Variants in CHST9 observed in about 807,000 individuals in gnomAD.
CHST9 encodes the protein carbohydrate sulfotransferase 9.
A neutral mutation model predicts 44.4 loss-of-function variants in CHST9; 41 were observed. That is an observed-to-expected ratio of 0.92 (90% confidence interval 0.72 to 1.20). The LOEUF is 1.20. CHST9 is among the 50% of genes most tolerant of loss of function. The probability of loss-of-function intolerance (pLI) is 0.00; values close to 1 mark genes in which losing one functional copy is unlikely to be tolerated. For missense variants in CHST9, 504 were observed against 516.5 expected (o/e 0.98, Z 0.23); for synonymous variants, 171 against 178.4 (o/e 0.96, Z 0.33).
chr18:27,167,597 T>C (rs1260681599), intron 1 of CHST9, among the ~76,000 whole-genome samples: 1 of 152,204 alleles, frequency 6.6e-6, no homozygotes, highest in East Asian at 1.9e-4. Context: ...ACACAGGCAG[T>C]GTTTAGGTAT....
intron 2 of CHST9, among the ~76,000 whole-genome samples, chr18:27,081,067 C>G (rs1004358737): frequency 6.6e-6 from 1 of 152,130 alleles, no homozygotes; most frequent in African/African-American, 2.4e-5. Context: ...ATAAAAACAT[C>G]TGGGGCAGAA....
intron 2 of CHST9, among the ~76,000 whole-genome samples, chr18:27,067,338 G>T (rs928675485): frequency 6.6e-6 from 1 of 151,972 alleles, no homozygotes; most frequent in Admixed American, 6.6e-5. Flanking sequence ...TTTACAGGGC[G>T]ATGCTTTCTG....
intron 3 of CHST9, among the ~76,000 whole-genome samples, chr18:27,038,872 T>A (rs1313096119): frequency 6.6e-6 from 1 of 152,172 alleles, no homozygotes; most frequent in Non-Finnish European, 1.5e-5. Context: ...GCTGCAATAA[T>A]ACTTTCAATA....
rs1448847250 is a variant in CHST9, at chr18:26,911,387, C to A, written c.*4872G>T. 1.3e-5 allele frequency: 2 copies of A among 152,046 alleles called. No individual in the cohort carries two copies. Among genetic ancestry groups the A allele is most frequent in the East Asian group, 1.9e-4 (1 of 5,190 alleles). The allele number at this position is 152,046 out of a possible 1,614,324, so 9.4% of individuals were successfully genotyped here. On this transcript the variant is annotated 3_prime_UTR_variant, in exon 6 of 6. Coordinates refer to ENST00000618847, the MANE Select transcript of CHST9 (RefSeq NM_031422.6). ...GCACATGAACAAATAAATTAACGAA[C>A]CTCCCTGACAAAAAAAATCGAGGAA... is the stretch of plus-strand genomic sequence containing the variant.
chr18:26,997,747 A>G (rs1294540112), intron 4 of CHST9, among the ~76,000 whole-genome samples: 1 of 152,194 alleles, frequency 6.6e-6, no homozygotes, highest in Non-Finnish European at 1.5e-5. Context: ...CCACTTTACT[A>G]TACTACCTAA....
intron 1 of CHST9, among the ~76,000 whole-genome samples, chr18:27,180,295 A>G (rs1207869053): frequency 6.6e-6 from 1 of 152,172 alleles, no homozygotes; most frequent in African/African-American, 2.4e-5. Context: ...GTTATCCCTG[A>G]GCGTTAGTAG....
At chr18:27,120,267 C>T (rs538964516) in intron 2 of CHST9, among the ~76,000 whole-genome samples, 3 of 152,144 alleles carry the variant, frequency 2.0e-5, no homozygotes, top group African/African-American at 7.2e-5. Context: ...AGGAGAGATC[C>T]AAGTACGTTA....
chr18:26,991,281 G>A (rs2056813082), intron 4 of CHST9, among the ~76,000 whole-genome samples: 1 of 151,868 alleles, frequency 6.6e-6, no homozygotes, highest in Non-Finnish European at 1.5e-5. Context: ...ATTCTCTAAC[G>A]GATTAGATAT....
At chr18:26,949,615 C>A (rs1355847785) in intron 4 of CHST9, among the ~76,000 whole-genome samples, 2 of 152,076 alleles carry the variant, frequency 1.3e-5, no homozygotes, top group Non-Finnish European at 2.9e-5. Context: ...GAGGAAGATA[C>A]CTGTAGGTTA....
At chr18:27,179,052 G>A (rs1474875223) in intron 1 of CHST9, among the ~76,000 whole-genome samples, 2 of 145,010 alleles carry the variant, frequency 1.4e-5, no homozygotes, top group Non-Finnish European at 3.0e-5. Context: ...ATACATATAC[G>A]TACATGCATA....
chr18:26,954,912 C>T (rs1367574014), intron 4 of CHST9, among the ~76,000 whole-genome samples: 2 of 151,992 alleles, frequency 1.3e-5, no homozygotes, highest in East Asian at 3.9e-4. Flanking sequence ...AGACCACTAT[C>T]AATTATTCCA....
intron 3 of CHST9, among the ~76,000 whole-genome samples, chr18:27,029,773 GT>G (rs1396237200): frequency 1.3e-5 from 2 of 152,100 alleles, no homozygotes; most frequent in African/African-American, 2.4e-5. Flanking sequence ...ACGCAACCAT[GT>G]TTTTTCCCCC....
At chr18:27,052,114 T>A (rs2057573725) in intron 2 of CHST9, among the ~76,000 whole-genome samples, 1 of 152,086 alleles carries the variant, frequency 6.6e-6, no homozygotes. Context: ...TCAGCCCCTA[T>A]GTTATATGAA....
intron 5 of CHST9, among the ~76,000 whole-genome samples, chr18:26,937,884 T>C (rs1162644258): frequency 6.6e-6 from 1 of 152,170 alleles, no homozygotes; most frequent in Non-Finnish European, 1.5e-5. Flanking sequence ...TAAATCTGAT[T>C]TCAAGCCTGA....
At chr18:27,000,649 T>TATCTATCTATCTATCTATC (rs1555675568) in intron 4 of CHST9, among the ~76,000 whole-genome samples, 3 of 151,476 alleles carry the variant, frequency 2.0e-5, no homozygotes, top group African/African-American at 7.3e-5. Flanking sequence ...TCTATCTATC[T>TATCTATCTATCTATCTATC]ATCTATCTCT....
chr18:27,165,252 G>C (rs996948278), intron 1 of CHST9, among the ~76,000 whole-genome samples: 7 of 152,148 alleles, frequency 4.6e-5, no homozygotes, highest in Non-Finnish European at 7.4e-5. Context: ...TTAGAACTTT[G>C]AGCAAATGAA....
At chr18:26,997,782 G>C (rs944435087) in intron 4 of CHST9, among the ~76,000 whole-genome samples, 1 of 152,084 alleles carries the variant, frequency 6.6e-6, no homozygotes, top group African/African-American at 2.4e-5. Context: ...TAATATCACT[G>C]TCTTCAAGGC....
chr18:27,166,013 C>T (rs181656041), intron 1 of CHST9, among the ~76,000 whole-genome samples: 3 of 152,312 alleles, frequency 2.0e-5, no homozygotes, highest in Admixed American at 2.0e-4. Flanking sequence ...TGAAAGGCTT[C>T]ACAATCCTGG....
chr18:26,908,682 A>ACC lies in CHST9; in HGVS notation c.*7575_*7576dup, dbSNP rs949274173. 1 of 152,188 alleles carries ACC rather than the reference A, an allele frequency of 6.6e-6. No homozygotes were observed. The highest frequency in any genetic ancestry group is 2.4e-5 in the African/African-American group (1 of 41,438). 9.4% of individuals were successfully genotyped at this position (152,188 alleles called of 1,614,324 possible). On this transcript the variant is annotated 3_prime_UTR_variant, in exon 6 of 6. Coordinates refer to ENST00000618847, the MANE Select transcript of CHST9 (RefSeq NM_031422.6). ...TAGGTAGCAGCAGAACTGTTAGTGG[A>ACC]CCCACATGAAAGGGCTGTGTTTATA...
Sources: gnomAD v4.1 joint callset for allele counts (sites outside exome capture counted in the v4.1 genomes callset) on GRCh38, gnomAD v4.1.1 for gene constraint, MANE v1.5 for transcripts, NCBI Gene and HGNC (gene_info 2026-07-23, HGNC 2026-07-21) for gene names.